Variants in PDZD2 observed in about 807,000 individuals in gnomAD.
PDZD2 encodes PDZ domain-containing protein 2.
PDZD2 carries 90 observed loss-of-function variants against 220.7 expected under a neutral mutation model. The ratio of observed to expected loss-of-function variants is 0.41; its 90% CI spans 0.34 to 0.49. The LOEUF (loss-of-function observed/expected upper bound fraction) is 0.49, where lower values mean the gene tolerates loss of function less well. PDZD2 is among the 20% of genes least tolerant of loss of function. PDZD2 has a pLI of 0.28. For synonymous variants in PDZD2, 1,375 were observed against 1,450.5 expected, an observed-to-expected ratio of 0.95 and a Z score of 1.18; for missense variants, 3,174 against 3,608.5, an observed-to-expected ratio of 0.88 and a Z score of 3.08.
intron 6 of PDZD2, among the ~76,000 whole-genome samples, chr5:32,020,310 T>C (rs1013146551): frequency 3.9e-5 from 6 of 152,042 alleles, no homozygotes; most frequent in East Asian, 1.9e-4. Flanking sequence ...CCAGCCAAAA[T>C]AGAATATATT....
chr5:31,774,878 C>T (rs1194462935), intron 1 of PDZD2, among the ~76,000 whole-genome samples: 1 of 152,132 alleles, frequency 6.6e-6, no homozygotes, highest in Non-Finnish European at 1.5e-5. Context: ...GATCATACTC[C>T]TTAGTGTGCT....
At chr5:31,728,616 A>G (rs1749319539) in intron 1 of PDZD2, among the ~76,000 whole-genome samples, 2 of 152,112 alleles carry the variant, frequency 1.3e-5, no homozygotes, top group Non-Finnish European at 2.9e-5. Context: ...GAAAATTCAG[A>G]GAGTTACATG....
rs574252927 is a variant in PDZD2 at position 32,000,423 on chromosome 5, C to T, written c.1254+152C>T. The T allele has an allele frequency of 8.4e-5, 63 of 751,400 alleles. No homozygotes were observed. The highest frequency in any genetic ancestry group is 8.3e-4 in the African/African-American group (48 of 57,816). 46.5% of individuals were successfully genotyped at this position (751,400 alleles called of 1,614,324 possible). A position where few individuals can be genotyped will look rare whatever the true frequency, so the allele number is the denominator to read the frequency against. On this transcript the variant is annotated intron_variant, in intron 5 of 24. Transcript: ENST00000438447. This position sits in a 1 kb window ranked among gnomAD's most constrained non-coding sequence, Gnocchi z 4.5. ...AAACAGCCTTGCTTCCACAGGGCAA[C>T]GCTATATGGAGACCCTTAGCTGAAG...
intron 2 of PDZD2, among the ~76,000 whole-genome samples, chr5:31,821,387 A>T (rs1178802432): frequency 3.9e-4 from 36 of 92,584 alleles, no homozygotes; most frequent in East Asian, 6.9e-4. Context: ...TATTATTATT[A>T]TTTTTTTTTT....
Position 31,725,936 on chromosome 5 carries a change from C to T in PDZD2, c.-360-72953C>T, listed in dbSNP as rs139718312. The T allele has an allele frequency of 8.7e-4, 579 of 663,128 alleles. 3 individuals carry two copies. The highest frequency in any genetic ancestry group is 6.0e-3 in the African/African-American group (333 of 55,816). The allele number at this position is 663,128 out of a possible 1,614,324, so 41.1% of individuals were successfully genotyped here. ...CCGTTCCTCCAGCTGCCTGGGTCTCCACTCTCTGCCGCATGCGTAACAGAT... is the reference window on the plus strand; with the variant it reads ...CCGTTCCTCCAGCTGCCTGGGTCTCTACTCTCTGCCGCATGCGTAACAGAT... On this transcript the variant is annotated intron_variant, in intron 1 of 24. Coordinates refer to ENST00000438447, the MANE Select transcript of PDZD2 (RefSeq NM_178140.4).
At chr5:31,902,399 C>A (rs1047272895) in intron 2 of PDZD2, among the ~76,000 whole-genome samples, 3 of 151,546 alleles carry the variant, frequency 2.0e-5, no homozygotes, top group African/African-American at 7.3e-5. Flanking sequence ...TTTGGAGAAA[C>A]ATCTATTCAG....
intron 2 of PDZD2, among the ~76,000 whole-genome samples, chr5:31,866,086 C>T (rs1341400278): frequency 6.6e-6 from 1 of 152,034 alleles, no homozygotes; most frequent in Non-Finnish European, 1.5e-5. Flanking sequence ...ACTGCAACCT[C>T]CGCCTCTCTG....
chr5:31,786,854 A>T (rs1429422739), intron 1 of PDZD2, among the ~76,000 whole-genome samples: 1 of 152,206 alleles, frequency 6.6e-6, no homozygotes, highest in African/African-American at 2.4e-5. Context: ...ATGAGGTCAG[A>T]TCCTGAGTAG....
chr5:32,105,016 T>C (rs1161025039), intron 24 of PDZD2, among the ~76,000 whole-genome samples: 1 of 151,708 alleles, frequency 6.6e-6, no homozygotes, highest in Non-Finnish European at 1.5e-5. Context: ...GCACCTATAG[T>C]CCCAGCTACT....
intron 1 of PDZD2, among the ~76,000 whole-genome samples, chr5:31,777,064 C>T (rs999332805): frequency 6.6e-6 from 1 of 152,172 alleles, no homozygotes; most frequent in African/African-American, 2.4e-5. Flanking sequence ...GCTGGCCGAG[C>T]CTGGAGCCGG....
chr5:32,062,668 A>T (rs1389612373), intron 14 of PDZD2, among the ~76,000 whole-genome samples: 1 of 152,192 alleles, frequency 6.6e-6, no homozygotes, highest in African/African-American at 2.4e-5. Context: ...TGCTGGAATT[A>T]TAGGCACGAG....
chr5:31,975,316 G>A (rs1749651447), intron 2 of PDZD2, among the ~76,000 whole-genome samples: 1 of 152,130 alleles, frequency 6.6e-6, no homozygotes, highest in South Asian at 2.1e-4. Context: ...ATGTGCAGGG[G>A]AATTTCCCTT....
chr5:31,921,354 A>G (rs1744232589), intron 2 of PDZD2, among the ~76,000 whole-genome samples: 1 of 150,586 alleles, frequency 6.6e-6, no homozygotes, highest in Admixed American at 6.7e-5. Context: ...TCATGTGTGA[A>G]CTATGCTCAA....
chr5:31,682,601 T>C (rs1171184892), intron 1 of PDZD2, among the ~76,000 whole-genome samples: 1 of 152,136 alleles, frequency 6.6e-6, no homozygotes, highest in Non-Finnish European at 1.5e-5. Context: ...TTCTTAATAA[T>C]GGTTTAATTG....
intron 1 of PDZD2, among the ~76,000 whole-genome samples, chr5:31,689,883 C>A (rs1232005687): frequency 6.6e-6 from 1 of 152,140 alleles, no homozygotes; most frequent in South Asian, 2.1e-4. Flanking sequence ...TGAAGGGTCT[C>A]TGGGTGGGGT....
At chr5:31,791,121 T>A (rs1330271878) in intron 1 of PDZD2, among the ~76,000 whole-genome samples, 1 of 152,190 alleles carries the variant, frequency 6.6e-6, no homozygotes, top group Non-Finnish European at 1.5e-5. Flanking sequence ...GGACACCACT[T>A]ATCTGCTTCT....
intron 2 of PDZD2, among the ~76,000 whole-genome samples, chr5:31,949,251 G>T (rs1443965842): frequency 6.6e-6 from 1 of 151,702 alleles, no homozygotes; most frequent in Non-Finnish European, 1.5e-5. Context: ...TGCAACCAAC[G>T]TTAGGAAGTA....
intron 2 of PDZD2, among the ~76,000 whole-genome samples, chr5:31,809,544 T>C (rs1473311073): frequency 6.6e-6 from 1 of 152,160 alleles, no homozygotes; most frequent in Non-Finnish European, 1.5e-5. Context: ...TGCTCAGCTC[T>C]TCGTGATGGA....
At chr5:31,698,285 C>G (rs913285341) in intron 1 of PDZD2, among the ~76,000 whole-genome samples, 1 of 149,846 alleles carries the variant, frequency 6.7e-6, no homozygotes, top group Non-Finnish European at 1.5e-5. Flanking sequence ...TAGGTTCTGC[C>G]TCTGTTCTGG....
Sources: allele counts gnomAD v4.1 joint callset (sites outside exome capture counted in the v4.1 genomes callset), GRCh38; gene constraint gnomAD v4.1.1; non-coding constraint Gnocchi (gnomAD v3.1); transcripts MANE v1.5; gene names NCBI Gene and HGNC (gene_info 2026-07-23, HGNC 2026-07-21).